The following KIF6 variants were observed in gnomAD, a reference collection of about 807,000 sequenced individuals.
KIF6 encodes kinesin family member 6, also known as kinesin-like protein KIF6.
KIF6 carries 106 observed loss-of-function variants against 112.7 expected under a neutral mutation model. The ratio of observed to expected loss-of-function variants is 0.94; its 90% CI spans 0.80 to 1.11. KIF6 has a LOEUF of 1.11. KIF6 is among the 50% of genes least tolerant of loss of function. The pLI is 0.00. For missense variants in KIF6, 929 were observed against 964.0 expected, an observed-to-expected ratio of 0.96 and a Z score of 0.48; for synonymous variants, 339 against 339.9, an observed-to-expected ratio of 1.00 and a Z score of 0.03.
At chr6:39,426,407 G>A (rs1456693946) in intron 14 of KIF6, among the ~76,000 whole-genome samples, 5 of 152,106 alleles carry the variant, frequency 3.3e-5, no homozygotes, top group Admixed American at 2.0e-4. Flanking sequence ...GAAATTCCCC[G>A]TGAGAGCAGC....
chr6:39,374,549 TA>T (rs1280414037), intron 16 of KIF6, among the ~76,000 whole-genome samples: 11 of 152,164 alleles, frequency 7.2e-5, no homozygotes, highest in Admixed American at 3.3e-4. Flanking sequence ...ATAACCCTAT[TA>T]AAAAAATGGG....
At chr6:39,689,016 G>A (rs367737240) in intron 3 of KIF6, among the ~76,000 whole-genome samples, 1 of 152,220 alleles carries the variant, frequency 6.6e-6, no homozygotes, top group East Asian at 1.9e-4. Context: ...TATTTGGGAG[G>A]CTAAAGTGGG....
At chr6:39,384,498 G>A (rs550031098) in intron 16 of KIF6, among the ~76,000 whole-genome samples, 5 of 152,316 alleles carry the variant, frequency 3.3e-5, no homozygotes, top group South Asian at 2.1e-4. Context: ...GGCCAACAGT[G>A]GGAAGCTCAG....
intron 14 of KIF6, among the ~76,000 whole-genome samples, chr6:39,430,259 C>T (rs1013906655): frequency 6.6e-6 from 1 of 152,156 alleles, no homozygotes; most frequent in Non-Finnish European, 1.5e-5. Flanking sequence ...AGCACTGCCA[C>T]ATGTTCTCCT....
chr6:39,672,371 A>G (rs1786871742), intron 3 of KIF6, among the ~76,000 whole-genome samples: 1 of 152,256 alleles, frequency 6.6e-6, no homozygotes, highest in Admixed American at 6.5e-5. Context: ...CCAAGAACAT[A>G]TCAATGACTT....
intron 3 of KIF6, among the ~76,000 whole-genome samples, chr6:39,672,173 G>A (rs574607503): frequency 2.0e-5 from 3 of 152,228 alleles, no homozygotes; most frequent in East Asian, 1.9e-4. Context: ...TTAGAGAGAG[G>A]GTCTCACTAT....
At chr6:39,470,491 G>C (rs1463547993) in intron 13 of KIF6, among the ~76,000 whole-genome samples, 1 of 152,122 alleles carries the variant, frequency 6.6e-6, no homozygotes, top group African/African-American at 2.4e-5. Flanking sequence ...AATGAAATCT[G>C]CCAGTTGACT....
intron 20 of KIF6, among the ~76,000 whole-genome samples, chr6:39,346,085 T>TCTCTCTCTCTCTCTCTCTCC (rs1212794740): frequency 9.3e-5 from 2 of 21,598 alleles, no homozygotes; most frequent in Non-Finnish European, 1.6e-4. Flanking sequence ...TCTCTCTCTC[T>TCTCTCTCTCTCTCTCTCTCC]CCCCCCCCTC....
chr6:39,691,206 G>A (rs2113803151), intron 3 of KIF6: 1 of 152,264 alleles, frequency 6.6e-6, no homozygotes, highest in East Asian at 1.9e-4. Flanking sequence ...CATGTAGTAA[G>A]GATAGTAAAG....
rs762221620 is a variant in KIF6 at position 39,639,649 on chromosome 6, G to C, written c.360C>G (p.Ile120Met). 1 of 1,606,812 alleles carries C rather than the reference G, an allele frequency of 6.2e-7. No homozygotes were observed. The highest frequency in any genetic ancestry group is 1.1e-5 in the South Asian group (1 of 89,606). Reference protein sequence around the residue: ...GAERYSDRGIIPRTLSYIFEQ... With the variant: ...GAERYSDRGIMPRTLSYIFEQ... ...CAAAAATGTATGACAGTGTCCTTGG[G>C]ATAATGCCTCTGTCACTGTAACGCT... is the stretch of plus-strand genomic sequence containing the variant. The change falls in exon 4 of 23, where the codon ATC becomes ATG. Residue 120 changes from isoleucine (I) to methionine (M), a missense_variant. Transcript: ENST00000287152.
chr6:39,453,109 C>T (rs1373735323), intron 13 of KIF6, among the ~76,000 whole-genome samples: 1 of 152,188 alleles, frequency 6.6e-6, no homozygotes, highest in African/African-American at 2.4e-5. Flanking sequence ...AGAGATGGAT[C>T]TACAATGTAT....
At chr6:39,501,288 A>G (rs1001250553) in intron 13 of KIF6, among the ~76,000 whole-genome samples, 6 of 152,200 alleles carry the variant, frequency 3.9e-5, no homozygotes, top group Non-Finnish European at 5.9e-5. Context: ...ACAAACAAAC[A>G]GAAAATAACA....
intron 16 of KIF6, among the ~76,000 whole-genome samples, chr6:39,377,787 T>C (rs574716084): frequency 8.5e-5 from 13 of 152,294 alleles, no homozygotes; most frequent in African/African-American, 3.1e-4. Context: ...TGCCTCTGCC[T>C]GATTTCCCGG....
At chr6:39,658,234 C>T (rs1785915847) in intron 3 of KIF6, among the ~76,000 whole-genome samples, 1 of 152,098 alleles carries the variant, frequency 6.6e-6, no homozygotes, top group Non-Finnish European at 1.5e-5. Flanking sequence ...TTTAAAAGAA[C>T]TATACACTAA....
At chr6:39,351,952 T>C (rs1336983987) in intron 19 of KIF6, among the ~76,000 whole-genome samples, 3 of 152,196 alleles carry the variant, frequency 2.0e-5, no homozygotes, top group East Asian at 3.8e-4. Flanking sequence ...GGTGCAGGTA[T>C]ACAGGGGTTG....
At chr6:39,453,392 T>C (rs1230209112) in intron 13 of KIF6, among the ~76,000 whole-genome samples, 1 of 152,242 alleles carries the variant, frequency 6.6e-6, no homozygotes, top group East Asian at 1.9e-4. Context: ...TTCCAATTAA[T>C]CTTTTACAAT....
intron 17 of KIF6, among the ~76,000 whole-genome samples, chr6:39,361,971 A>G (rs1422956298): frequency 6.6e-6 from 1 of 152,156 alleles, no homozygotes; most frequent in African/African-American, 2.4e-5. Flanking sequence ...CTTGATCAGC[A>G]TGTGGAGCAA....
intron 13 of KIF6, among the ~76,000 whole-genome samples, chr6:39,445,077 G>C (rs1454118659): frequency 6.6e-6 from 1 of 152,192 alleles, no homozygotes; most frequent in Admixed American, 6.5e-5. Context: ...TTTTTGGTTA[G>C]AGAACTCTGT....
chr6:39,536,576 G>A (rs973966945), intron 13 of KIF6, among the ~76,000 whole-genome samples: 2 of 152,062 alleles, frequency 1.3e-5, no homozygotes, highest in African/African-American at 2.4e-5. Flanking sequence ...ATAATCAATA[G>A]CTTACCAACG....
Sources: allele counts gnomAD v4.1 joint callset (sites outside exome capture counted in the v4.1 genomes callset), GRCh38; gene constraint gnomAD v4.1.1; transcripts MANE v1.5; gene names NCBI Gene and HGNC (gene_info 2026-07-23, HGNC 2026-07-21).